Variants in RTN1 observed in about 807,000 individuals in gnomAD.
The protein encoded by RTN1 is reticulon 1.
RTN1 carries 25 observed loss-of-function variants against 65.5 expected under a neutral mutation model. The ratio of observed to expected loss-of-function variants is 0.38; its 90% CI spans 0.28 to 0.53. The LOEUF is 0.53. RTN1 is among the 20% of genes least tolerant of loss of function. The pLI, the probability that RTN1 is intolerant of heterozygous loss-of-function variation, is 0.79. For synonymous variants in RTN1, 471 were observed against 447.6 expected, an observed-to-expected ratio of 1.05 and a Z score of -0.66; for missense variants, 983 against 1,025.4, an observed-to-expected ratio of 0.96 and a Z score of 0.57.
At chr14:59,764,977 A>G (rs936581768) in intron 1 of RTN1, among the ~76,000 whole-genome samples, 1 of 152,192 alleles carries the variant, frequency 6.6e-6, no homozygotes, top group East Asian at 1.9e-4. Context: ...TGCTATGAAC[A>G]TCTTTTGAGT....
At position 59,771,044 on chromosome 14, in the gene RTN1, C is replaced by CAA. The variant is rs113697863; in HGVS notation, c.242-24565_242-24564dup. Among the ~76,000 whole-genome samples, 448 of 115,198 alleles carry CAA rather than the reference C, an allele frequency of 3.9e-3. 17 individuals carry two copies. The East Asian group carries it at 0.062, about 16-fold the overall frequency. The allele number at this position is 115,198 out of a possible 152,430, so 75.6% of individuals were successfully genotyped here. Reference sequence around the variant, plus strand: ...TGGGCGACAGAGTGAGACTCCGTCTCAAAAAAAAAAAAAAAATTCTGTAAT... The same window carrying CAA: ...TGGGCGACAGAGTGAGACTCCGTCTCAAAAAAAAAAAAAAAAAATTCTGTAAT... On this transcript the variant is annotated intron_variant, in intron 1 of 8. Coordinates refer to ENST00000267484, the MANE Select transcript of RTN1 (RefSeq NM_021136.3).
intron 1 of RTN1, among the ~76,000 whole-genome samples, chr14:59,791,250 A>G (rs2139588284): frequency 6.6e-6 from 1 of 152,064 alleles, no homozygotes; most frequent in South Asian, 2.1e-4. Context: ...CCTTGCTCAT[A>G]GTTAACCTGA....
chr14:59,746,204 T>C lies in RTN1; in HGVS notation c.519A>G (p.Ala173=), dbSNP rs958315675. 2.5e-6 allele frequency: 4 copies of C among 1,612,024 alleles called. No individual in the cohort carries two copies. Among genetic ancestry groups the C allele is most frequent in the Admixed American group, 1.7e-5 (1 of 59,724 alleles). ...SSDSGIEMTP[A]ESTEVNKILA... is the part of the protein sequence containing the mutation. ...AGATCTTGTTCACTTCCGTGGACTC[T>C]GCAGGAGTCATCTCTATTCCAGAAT... The change falls in exon 2 of 9, where the codon GCA becomes GCG. Residue 173 remains alanine (A), a synonymous_variant. Coordinates refer to ENST00000267484, the MANE Select transcript of RTN1 (RefSeq NM_021136.3).
chr14:59,757,008 C>T (rs918498043), intron 1 of RTN1, among the ~76,000 whole-genome samples: 13 of 152,026 alleles, frequency 8.6e-5, no homozygotes, highest in African/African-American at 3.1e-4. Flanking sequence ...CAAAAAAATA[C>T]TTTATTCTTA....
chr14:59,821,763 G>A (rs1198153553), intron 1 of RTN1, among the ~76,000 whole-genome samples: 1 of 152,138 alleles, frequency 6.6e-6, no homozygotes, highest in Admixed American at 6.5e-5. Flanking sequence ...TGCATCTATC[G>A]AGATGATTGT....
chr14:59,861,743 C>G (rs1407238602), intron 1 of RTN1, among the ~76,000 whole-genome samples: 1 of 152,186 alleles, frequency 6.6e-6, no homozygotes, highest in African/African-American at 2.4e-5. Context: ...TGGGTCAAGT[C>G]TTCTTCCTTT....
At chr14:59,679,272 C>T (rs1883694527) in intron 3 of RTN1, among the ~76,000 whole-genome samples, 1 of 152,222 alleles carries the variant, frequency 6.6e-6, no homozygotes, top group Admixed American at 6.5e-5. Context: ...AACAATAGTA[C>T]AGCCCTCTCT....
chr14:59,728,247 A>ATTTTTTT (rs1884822726), intron 2 of RTN1, among the ~76,000 whole-genome samples: 1 of 130,510 alleles, frequency 7.7e-6, no homozygotes, highest in African/African-American at 3.2e-5. Flanking sequence ...AAGAATCAGT[A>ATTTTTTT]TCTTTTTTTT....
intron 2 of RTN1, among the ~76,000 whole-genome samples, chr14:59,737,601 A>C (rs1885027177): frequency 1.3e-5 from 2 of 152,228 alleles, no homozygotes; most frequent in African/African-American, 4.8e-5. Context: ...AACAACTTAT[A>C]GATTCAACAT....
chr14:59,613,187 C>T (rs1006523249), intron 3 of RTN1, among the ~76,000 whole-genome samples: 1 of 152,130 alleles, frequency 6.6e-6, no homozygotes, highest in African/African-American at 2.4e-5. Context: ...AAATATTGGC[C>T]ACTTGGCATG....
intron 1 of RTN1, among the ~76,000 whole-genome samples, chr14:59,854,886 T>A (rs1444990129): frequency 6.6e-6 from 1 of 152,168 alleles, no homozygotes; most frequent in Non-Finnish European, 1.5e-5. Flanking sequence ...TAGGATTAAA[T>A]GTAAACAGCC....
At chr14:59,764,753 T>C (rs773162814) in intron 1 of RTN1, among the ~76,000 whole-genome samples, 1 of 152,218 alleles carries the variant, frequency 6.6e-6, no homozygotes, top group Non-Finnish European at 1.5e-5. Flanking sequence ...TGGAGAGTTG[T>C]AGACATTTTG....
At chr14:59,758,473 C>G (rs1885684484) in intron 1 of RTN1, among the ~76,000 whole-genome samples, 1 of 152,084 alleles carries the variant, frequency 6.6e-6, no homozygotes, top group Non-Finnish European at 1.5e-5. Flanking sequence ...ACAAACATAC[C>G]ATAAGATTTT....
intron 2 of RTN1, among the ~76,000 whole-genome samples, chr14:59,741,691 T>A (rs1885120148): frequency 6.6e-6 from 1 of 152,204 alleles, no homozygotes; most frequent in Non-Finnish European, 1.5e-5. Context: ...GCCCTGCCTA[T>A]CTGTCCAATG....
intron 2 of RTN1, among the ~76,000 whole-genome samples, chr14:59,732,875 A>T (rs1217743519): frequency 6.6e-6 from 1 of 152,138 alleles, no homozygotes; most frequent in South Asian, 2.1e-4. Context: ...ACTGGCTCGG[A>T]ATTTCAGCCA....
chr14:59,728,863 C>T (rs960464247), intron 2 of RTN1, among the ~76,000 whole-genome samples: 6 of 151,924 alleles, frequency 3.9e-5, no homozygotes, highest in Admixed American at 6.5e-5. Flanking sequence ...GATATATTAG[C>T]GAATGAAACA....
At chr14:59,859,085 G>A (rs1361504973) in intron 1 of RTN1, among the ~76,000 whole-genome samples, 3 of 152,150 alleles carry the variant, frequency 2.0e-5, no homozygotes, top group African/African-American at 7.2e-5. Context: ...AGTCAATTTG[G>A]GGTAACTATG....
chr14:59,703,693 T>C (rs77996045), intron 3 of RTN1, among the ~76,000 whole-genome samples: 239 of 152,374 alleles, frequency 1.6e-3, no homozygotes, highest in African/African-American at 5.5e-3. Context: ...AGCACAAATC[T>C]TCATTTTGTT....
chr14:59,745,338 C>A (rs964303169), intron 2 of RTN1, among the ~76,000 whole-genome samples: 1 of 152,116 alleles, frequency 6.6e-6, no homozygotes, highest in Non-Finnish European at 1.5e-5. Context: ...CTAAGACAAC[C>A]CAGATCCTAG....
Sources: allele counts gnomAD v4.1 joint callset (sites outside exome capture counted in the v4.1 genomes callset), GRCh38; gene constraint gnomAD v4.1.1; transcripts MANE v1.5; gene names NCBI Gene and HGNC (gene_info 2026-07-23, HGNC 2026-07-21).